Variants in EPB41 observed in about 807,000 individuals in gnomAD.
The protein encoded by EPB41 is erythrocyte membrane protein band 4.1.
A neutral mutation model predicts 108.0 loss-of-function variants in EPB41; 65 were observed. The observed-to-expected ratio is 0.60, with a 90% confidence interval of 0.49 to 0.74. The LOEUF (loss-of-function observed/expected upper bound fraction) is 0.74. Among genes scored for constraint, EPB41 ranks in the 30% least tolerant of loss-of-function variants. The pLI, the probability that EPB41 is intolerant of heterozygous loss-of-function variation, is 0.00. For synonymous variants in EPB41, 336 were observed against 358.9 expected, an observed-to-expected ratio of 0.94 and a Z score of 0.72; for missense variants, 875 against 1,037.0, an observed-to-expected ratio of 0.84 and a Z score of 2.15.
chr1:28,939,237 T>G (rs189923138), intron 1 of EPB41, among the ~76,000 whole-genome samples: 1 of 152,284 alleles, frequency 6.6e-6, no homozygotes, highest in East Asian at 1.9e-4. Flanking sequence ...ATGCTTTTTT[T>G]GTGTCTGTTG....
rs185940172 is a variant in EPB41, at chr1:29,046,272, A to G, written c.1637-6832A>G. On this transcript the variant is annotated intron_variant, in intron 11 of 20. Transcript: ENST00000343067. ...CCTGAGTAGCTGGGATTACAGGTGC[A>G]CGCCACCACCATGCCCGGCTAATTT... Among the ~76,000 whole-genome samples, 580 of 151,780 alleles carry G rather than the reference A, an allele frequency of 3.8e-3. 6 individuals are homozygous for G. Among genetic ancestry groups the G allele is most frequent in the African/African-American group, 0.013 (536 of 41,422 alleles).
chr1:28,931,829 C>T (rs902713930), intron 1 of EPB41, among the ~76,000 whole-genome samples: 16 of 152,148 alleles, frequency 1.1e-4, no homozygotes, highest in African/African-American at 2.9e-4. Flanking sequence ...CCACCGCGCC[C>T]GACCAATGAC....
intron 7 of EPB41, among the ~76,000 whole-genome samples, chr1:29,021,328 T>G (rs1437395227): frequency 6.6e-6 from 1 of 152,212 alleles, no homozygotes; most frequent in Non-Finnish European, 1.5e-5. Flanking sequence ...CAAACTGTAC[T>G]AAGAGTCACT....
intron 18 of EPB41, among the ~76,000 whole-genome samples, chr1:29,110,498 G>A (rs914797262): frequency 2.0e-5 from 3 of 152,210 alleles, no homozygotes; most frequent in African/African-American, 7.2e-5. Context: ...ATGAGAACTT[G>A]TTTGGATGCT....
At chr1:29,110,447 G>A (rs1156981641) in intron 18 of EPB41, among the ~76,000 whole-genome samples, 4 of 152,110 alleles carry the variant, frequency 2.6e-5, no homozygotes, top group African/African-American at 9.7e-5. Context: ...CAGAACTCTG[G>A]GTCTGAGGAA....
At position 29,033,150 on chromosome 1, in the gene EPB41, A is replaced by C. The variant is rs1244190144; in HGVS notation, c.1270A>C (p.Lys424Gln). ...CTGCTCTAGTGGCCTTCTGGTTTACAAAGATAAGCTGAGAATTAACCGCTT... is the reference window on the plus strand; with the variant it reads ...CTGCTCTAGTGGCCTTCTGGTTTACCAAGATAAGCTGAGAATTAACCGCTT... ...GVCSSGLLVYKDKLRINRFPW... is the reference protein window; with the variant it reads ...GVCSSGLLVYQDKLRINRFPW... The change falls in exon 9 of 21, where the codon AAA becomes CAA. Residue 424 changes from lysine (K) to glutamine (Q), a missense_variant. Coordinates refer to ENST00000343067, the MANE Select transcript of EPB41 (RefSeq NM_001376013.1). 1 of 1,613,874 alleles carries C rather than the reference A, an allele frequency of 6.2e-7. No homozygotes were observed. The highest frequency in any genetic ancestry group is 8.5e-7 in the Non-Finnish European group (1 of 1,179,924).
At chr1:28,929,781 G>T (rs1433800301) in intron 1 of EPB41, among the ~76,000 whole-genome samples, 1 of 149,170 alleles carries the variant, frequency 6.7e-6, no homozygotes, top group Non-Finnish European at 1.5e-5. Context: ...TGATCTGCCC[G>T]CCTTGGCCTC....
At chr1:29,078,718 A>T (rs923881216) in intron 16 of EPB41, among the ~76,000 whole-genome samples, 1 of 152,176 alleles carries the variant, frequency 6.6e-6, no homozygotes, top group South Asian at 2.1e-4. Flanking sequence ...ACTGTACTCC[A>T]TCCTAAGCAA....
intron 17 of EPB41, among the ~76,000 whole-genome samples, chr1:29,101,014 C>T (rs1573948699): frequency 6.6e-6 from 1 of 151,684 alleles, no homozygotes; most frequent in East Asian, 1.9e-4. Flanking sequence ...CACCTGAGGT[C>T]AGGAGTTCAA....
intron 1 of EPB41, among the ~76,000 whole-genome samples, chr1:28,888,976 G>A (rs752711481): frequency 4.6e-5 from 7 of 152,166 alleles, no homozygotes; most frequent in Non-Finnish European, 7.3e-5. Context: ...GGAGGTAGGA[G>A]GCTTGAGAAG....
chr1:29,002,111 A>C (rs879574654), intron 4 of EPB41, among the ~76,000 whole-genome samples: 37 of 152,302 alleles, frequency 2.4e-4, no homozygotes, highest in Admixed American at 2.3e-3. Context: ...AGCATGTAGA[A>C]TCATGCTTGA....
At chr1:29,085,799 G>C (rs542576236) in intron 16 of EPB41, among the ~76,000 whole-genome samples, 47 of 152,182 alleles carry the variant, frequency 3.1e-4, no homozygotes, top group African/African-American at 1.1e-3. Flanking sequence ...CAATCTGCCC[G>C]CCTCGTCCTC....
intron 1 of EPB41, among the ~76,000 whole-genome samples, chr1:28,925,254 C>T (rs1049361738): frequency 2.0e-5 from 3 of 152,008 alleles, no homozygotes; most frequent in Non-Finnish European, 2.9e-5. Flanking sequence ...TGAGCCACCG[C>T]GCCTGGCCAT....
At chr1:29,047,253 C>CTTTTT (rs755248112) in intron 11 of EPB41, among the ~76,000 whole-genome samples, 14 of 100,528 alleles carry the variant, frequency 1.4e-4, no homozygotes, top group African/African-American at 5.6e-4. Flanking sequence ...TCTTTCTTTC[C>CTTTTT]TTTTTTTTTT....
At chr1:29,099,366 C>T (rs1463590783) in intron 17 of EPB41, among the ~76,000 whole-genome samples, 1 of 151,884 alleles carries the variant, frequency 6.6e-6, no homozygotes, top group Non-Finnish European at 1.5e-5. Context: ...ACTCTGTTGC[C>T]CAGGCTGAAG....
At chr1:28,909,571 G>T (rs1266825884), upstream of EPB41, among the ~76,000 whole-genome samples, 3 of 152,156 alleles carry the variant, frequency 2.0e-5, no homozygotes, top group Non-Finnish European at 4.4e-5. Flanking sequence ...CAAGGTGGGA[G>T]GACTGCTTGA....
intron 1 of EPB41, among the ~76,000 whole-genome samples, chr1:28,972,080 C>T (rs1177640021): frequency 6.6e-6 from 1 of 152,000 alleles, no homozygotes; most frequent in African/African-American, 2.4e-5. Flanking sequence ...CGCTACCATG[C>T]CCAGCTAATT....
At chr1:29,074,010 TC>T (rs1370494544) in intron 16 of EPB41, among the ~76,000 whole-genome samples, 2 of 152,202 alleles carry the variant, frequency 1.3e-5, no homozygotes, top group African/African-American at 4.8e-5. Flanking sequence ...CTGTAGTACT[TC>T]CTATAGATAA....
intron 7 of EPB41, among the ~76,000 whole-genome samples, chr1:29,026,399 T>C (rs1424674276): frequency 3.3e-5 from 5 of 152,032 alleles, no homozygotes; most frequent in Non-Finnish European, 7.4e-5. Flanking sequence ...GAAATATAGA[T>C]GTAAAAAGGT....
Sources: allele counts gnomAD v4.1 joint callset (sites outside exome capture counted in the v4.1 genomes callset), GRCh38; gene constraint gnomAD v4.1.1; transcripts MANE v1.5; gene names NCBI Gene and HGNC (gene_info 2026-07-23, HGNC 2026-07-21).